Variants in DISP1 observed in about 807,000 individuals in gnomAD.
The protein encoded by DISP1 is protein dispatched homolog 1.
Under a neutral mutation model 37.3 loss-of-function variants are expected in DISP1, and 30 were observed. The observed-to-expected ratio is 0.80, with a 90% CI of 0.60 to 1.09. The LOEUF is 1.09. Among genes scored for constraint, DISP1 ranks in the 50% least tolerant of loss-of-function variants. DISP1 has a pLI of 0.00. For synonymous variants in DISP1, 634 were observed against 690.2 expected, an observed-to-expected ratio of 0.92 and a Z score of 1.28; for missense variants, 1,598 against 1,879.5, an observed-to-expected ratio of 0.85 and a Z score of 2.77.
intron 1 of DISP1, among the ~76,000 whole-genome samples, chr1:222,902,318 A>G (rs1309878279): frequency 1.3e-5 from 2 of 152,184 alleles, no homozygotes; most frequent in South Asian, 2.1e-4. Context: ...CCCTCTACAC[A>G]CTGCTTTGAA....
intron 1 of DISP1, among the ~76,000 whole-genome samples, chr1:222,882,066 A>G (rs1392983635): frequency 6.6e-6 from 1 of 152,130 alleles, no homozygotes; most frequent in African/African-American, 2.4e-5. Context: ...AATAGCAGAT[A>G]TTTTCTTTTC....
intron 7 of DISP1, 103 bp from the exon 8 acceptor site, chr1:222,994,782 C>G: frequency 1.2e-6 from 1 of 823,010 alleles, no homozygotes; most frequent in South Asian, 1.4e-5. Context: ...AATGAATCAT[C>G]CATGTGGTTT....
At chr1:222,935,986 T>C (rs1673700712) in intron 2 of DISP1, among the ~76,000 whole-genome samples, 2 of 152,198 alleles carry the variant, frequency 1.3e-5, no homozygotes. Flanking sequence ...TCCCATAAGA[T>C]TATAATGGAG....
intron 3 of DISP1, among the ~76,000 whole-genome samples, chr1:222,969,382 A>AAAAAAAAC (rs1227606426): frequency 9.3e-5 from 14 of 149,988 alleles, no homozygotes; most frequent in Non-Finnish European, 1.6e-4. Context: ...AAAAAAAAAA[A>AAAAAAAAC]AAAAATTACA....
intron 1 of DISP1, among the ~76,000 whole-genome samples, chr1:222,822,555 A>G (rs567596145): frequency 9.9e-5 from 15 of 152,234 alleles, no homozygotes; most frequent in Non-Finnish European, 2.1e-4. Flanking sequence ...TTATATAAAC[A>G]TTGAATTTTC....
intron 1 of DISP1, among the ~76,000 whole-genome samples, chr1:222,817,375 C>T (rs963651758): frequency 1.3e-5 from 2 of 152,180 alleles, no homozygotes; most frequent in Admixed American, 6.5e-5. Context: ...ATACATTTGT[C>T]TTCCTTAATC....
chr1:222,981,415 T>C (rs1215065243), intron 3 of DISP1, among the ~76,000 whole-genome samples: 1 of 152,208 alleles, frequency 6.6e-6, no homozygotes, highest in African/African-American at 2.4e-5. Flanking sequence ...GATTGTTCCA[T>C]CTCCTTGGTT....
chr1:222,870,035 C>T (rs866940384), intron 1 of DISP1, among the ~76,000 whole-genome samples: 6 of 151,782 alleles, frequency 4.0e-5, no homozygotes, highest in East Asian at 3.9e-4. Flanking sequence ...TGAGAACATG[C>T]GGTGTTTGGT....
chr1:222,833,144 C>T (rs780185046), intron 1 of DISP1, among the ~76,000 whole-genome samples: 4 of 151,920 alleles, frequency 2.6e-5, no homozygotes, highest in African/African-American at 7.3e-5. Flanking sequence ...AGGTTAGAAA[C>T]GCATACTGAG....
chr1:222,895,581 A>C (rs1160825649), intron 1 of DISP1, among the ~76,000 whole-genome samples: 4 of 152,212 alleles, frequency 2.6e-5, no homozygotes, highest in South Asian at 2.1e-4. Context: ...ATTAATGTAC[A>C]TTTTATCTCT....
intron 1 of DISP1, among the ~76,000 whole-genome samples, chr1:222,919,671 T>C (rs1672703488): frequency 6.6e-6 from 1 of 152,232 alleles, no homozygotes; most frequent in African/African-American, 2.4e-5. Flanking sequence ...TGAAGCTAGA[T>C]ATAGCATGAC....
chr1:222,888,720 A>G (rs1670779689), intron 1 of DISP1, among the ~76,000 whole-genome samples: 1 of 152,152 alleles, frequency 6.6e-6, no homozygotes, highest in African/African-American at 2.4e-5. Context: ...CGTCTTAAAC[A>G]TCAACAATAT....
rs142740142 is a variant in DISP1, at chr1:222,843,548, T to A, written c.-159+28470T>A. ...ATGGAAATAAGGCAGGGGAGAGACC[T>A]TCTCTAATGAAGGATGGGGGGGGGA... is the stretch of plus-strand genomic sequence containing the variant. On this transcript the variant is annotated intron_variant, in intron 1 of 8. Transcript: ENST00000675850. Among the ~76,000 whole-genome samples, 419 of 148,040 alleles carry A rather than the reference T, an allele frequency of 2.8e-3. 3 individuals carry two copies. Among genetic ancestry groups the A allele is most frequent in the African/African-American group, 0.01 (410 of 40,858 alleles).
At chr1:222,946,315 C>T (rs1362139589) in intron 3 of DISP1, among the ~76,000 whole-genome samples, 1 of 142,090 alleles carries the variant, frequency 7.0e-6, no homozygotes, top group Non-Finnish European at 1.5e-5. Flanking sequence ...ACCCAGGAGG[C>T]GAAGCTTGCA....
At chr1:222,828,524 T>C (rs1664971155) in intron 1 of DISP1, among the ~76,000 whole-genome samples, 1 of 152,228 alleles carries the variant, frequency 6.6e-6, no homozygotes, top group South Asian at 2.1e-4. Flanking sequence ...TTAACCTTTT[T>C]TCCCTTGACC....
chr1:222,987,379 A>G (rs1406104361), intron 4 of DISP1, among the ~76,000 whole-genome samples: 1 of 152,224 alleles, frequency 6.6e-6, no homozygotes, highest in East Asian at 1.9e-4. Context: ...TGGTGATCCC[A>G]TTACTTAAAT....
At chr1:222,936,764 A>AT (rs1166465893) in intron 2 of DISP1, among the ~76,000 whole-genome samples, 5 of 50,836 alleles carry the variant, frequency 9.8e-5, no homozygotes, top group African/African-American at 3.7e-4. Context: ...ATGATATATA[A>AT]AAATTATATA....
At chr1:222,848,110 T>G (rs1668021290) in intron 1 of DISP1, among the ~76,000 whole-genome samples, 1 of 152,208 alleles carries the variant, frequency 6.6e-6, no homozygotes, top group Non-Finnish European at 1.5e-5. Context: ...AACATTCATA[T>G]TGATTGATTT....
intron 2 of DISP1, among the ~76,000 whole-genome samples, chr1:222,942,087 C>T (rs1572572352): frequency 6.8e-6 from 1 of 147,398 alleles, no homozygotes. Context: ...AGCCCTGAAC[C>T]TTTTGGTGGA....
Sources: allele counts gnomAD v4.1 joint callset (sites outside exome capture counted in the v4.1 genomes callset), GRCh38; gene constraint gnomAD v4.1.1; transcripts MANE v1.5; gene names NCBI Gene and HGNC (gene_info 2026-07-23, HGNC 2026-07-21).